SOD2: variants seen among roughly 807,000 people sequenced by gnomAD.
SOD2 encodes the protein superoxide dismutase 2.
In SOD2, 11 loss-of-function variants were observed where a neutral mutation model predicts 27.0. The ratio of observed to expected loss-of-function variants is 0.41; its 90% CI spans 0.26 to 0.67. The LOEUF (loss-of-function observed/expected upper bound fraction) is 0.67, where lower values mean the gene tolerates loss of function less well. Ranked by LOEUF, SOD2 falls within the 30% of genes least tolerant of loss-of-function variation. SOD2 has a pLI of 0.34. For synonymous variants in SOD2, 105 were observed against 103.0 expected, an observed-to-expected ratio of 1.02 and a Z score of -0.12; for missense variants, 250 against 274.5, an observed-to-expected ratio of 0.91 and a Z score of 0.63.
chr6:159,741,085 C>A (rs2114917922), intron 1 of SOD2, among the ~76,000 whole-genome samples: 1 of 152,192 alleles, frequency 6.6e-6, no homozygotes, highest in African/African-American at 2.4e-5. Flanking sequence ...TTAATTGTAC[C>A]TGAAGAGCAG....
exon 1 of SOD2, chr6:159,761,939 T>C (rs1780141425): frequency 2.2e-6 from 2 of 913,662 alleles, no homozygotes; most frequent in South Asian, 1.4e-5. Flanking sequence ...CTGCGCACAG[T>C]GGGATGCGCG....
chr6:159,753,660 G>C (rs371314485), intron 1 of SOD2: 1 of 1,560,174 alleles, frequency 6.4e-7, no homozygotes, highest in African/African-American at 1.4e-5. Flanking sequence ...ACTTTGCATT[G>C]GCTTTTTAAA....
rs762243028 is a variant in SOD2, at chr6:159,682,637, G to A, written c.525C>T (p.Gly175=). Residue 175 remains glycine (G), a splice_region_variant and synonymous_variant, in exon 5 of 5, where the codon GGC becomes GGT. Transcript: ENST00000538183. ...PNQDPLQGTT[G]LIPLLGIDVW... ...CATCAATCCCCAGCAGTGGAATAAG[G>A]CCTGTTAGAAAGAAGGGGAAAACAA... The A allele has an allele frequency of 1.9e-6, 3 of 1,604,612 alleles. No homozygotes were observed. Among genetic ancestry groups the A allele is most frequent in the Non-Finnish European group, 1.7e-6 (2 of 1,176,956 alleles).
chr6:159,734,463 A>C (rs1263308063), intron 1 of SOD2, among the ~76,000 whole-genome samples: 1 of 152,152 alleles, frequency 6.6e-6, no homozygotes, highest in Non-Finnish European at 1.5e-5. Flanking sequence ...ATGGGTAATT[A>C]AAATAAACCA....
At position 159,669,923 on chromosome 6, in the gene SOD2, G is replaced by C. The variant is rs558905075; in HGVS notation, c.*12570C>G. 2 of 152,310 alleles carry C rather than the reference G, an allele frequency of 1.3e-5. No individual in the cohort carries two copies. The highest frequency in any genetic ancestry group is 4.8e-5 in the African/African-American group (2 of 41,572). The allele number at this position is 152,310 out of a possible 1,614,324, so 9.4% of individuals were successfully genotyped here. On this transcript the variant is annotated 3_prime_UTR_variant, in exon 5 of 5. Coordinates refer to ENST00000538183, the MANE Select transcript of SOD2 (RefSeq NM_000636.4). ...CATTCAGTCAATCTATATCTTTTAA[G>C]TGGGAGAATTTAATCCATTTACATT...
intron 1 of SOD2, among the ~76,000 whole-genome samples, chr6:159,712,299 C>T (rs1052488305): frequency 6.7e-6 from 1 of 148,968 alleles, no homozygotes; most frequent in Non-Finnish European, 1.5e-5. Flanking sequence ...ACCATAACCA[C>T]CTCCATAACC....
chr6:159,755,303 G>C, intron 1 of SOD2: 2 of 1,614,238 alleles, frequency 1.2e-6, no homozygotes, highest in Non-Finnish European at 1.7e-6. Flanking sequence ...ATTTCACAGG[G>C]AGGGCAACAC....
In SOD2 at chr6:159,744,185, A is replaced by T. The variant is rs576067251; in HGVS notation, c.-116+945T>A. Among the ~76,000 whole-genome samples, 7 of 152,240 alleles carry T rather than the reference A, an allele frequency of 4.6e-5. No homozygotes were observed. The South Asian group carries it at 1.5e-3, about 32-fold the overall frequency. ...TTCTCTTGTCCCCTCTGTGTATAGA[A>T]CTGTTTTTCCTAGTGTCAGCAACCT... is the stretch of plus-strand genomic sequence containing the variant. On this transcript the variant is annotated intron_variant, in intron 1 of 3. Transcript: ENST00000537657.
intron 1 of SOD2, chr6:159,712,716 C>A: frequency 2.5e-6 from 1 of 393,058 alleles, no homozygotes; most frequent in African/African-American, 2.1e-5. Flanking sequence ...CCATAACCAC[C>A]TCCATAACCA....
At chr6:159,706,163 A>G (rs1169986170) in intron 1 of SOD2, among the ~76,000 whole-genome samples, 1 of 152,250 alleles carries the variant, frequency 6.6e-6, no homozygotes, top group Non-Finnish European at 1.5e-5. Flanking sequence ...CTGCAAAAAC[A>G]TGCCAAATTG....
chr6:159,754,927 C>T, intron 1 of SOD2: 1 of 1,222,360 alleles, frequency 8.2e-7, no homozygotes, highest in Non-Finnish European at 1.1e-6. Context: ...TATTTGTTTA[C>T]TTGAGCGTTT....
intron 1 of SOD2, among the ~76,000 whole-genome samples, chr6:159,725,027 ACAC>A (rs1778121424): frequency 6.6e-6 from 1 of 152,120 alleles, no homozygotes; most frequent in South Asian, 2.1e-4. Flanking sequence ...GATGCAAAAC[ACAC>A]CTACACAAAG....
chr6:159,673,965 C>T lies in SOD2; in HGVS notation c.*8528G>A, dbSNP rs7746782. On this transcript the variant is annotated 3_prime_UTR_variant, in exon 5 of 5. Coordinates refer to ENST00000538183, the MANE Select transcript of SOD2 (RefSeq NM_000636.4). ...CAGAGTACACAGAGAATACTATAAA[C>T]ACCTCTATGCAAATAAACTAGAAAA... The T allele has an allele frequency of 6.6e-6, 1 of 152,166 alleles. No homozygotes were observed. Among genetic ancestry groups the T allele is most frequent in the Admixed American group, 6.5e-5 (1 of 15,274 alleles). The allele number at this position is 152,166 out of a possible 1,614,324, so 9.4% of individuals were successfully genotyped here.
At chr6:159,760,175 G>T (rs1780093761) in intron 1 of SOD2, 1 of 152,022 alleles carries the variant, frequency 6.6e-6, no homozygotes, top group African/African-American at 2.4e-5. Context: ...TAAATTTCTG[G>T]TTTGGTTAAC....
chr6:159,712,359 AG>A (rs1378076125), intron 1 of SOD2, among the ~76,000 whole-genome samples: 2 of 124,890 alleles, frequency 1.6e-5, no homozygotes, highest in Admixed American at 7.9e-5. Flanking sequence ...ACCACCACTC[AG>A]CTGCTCTGAC....
upstream of SOD2, among the ~76,000 whole-genome samples, chr6:159,728,613 C>G (rs901538674): frequency 6.6e-6 from 1 of 152,104 alleles, no homozygotes; most frequent in African/African-American, 2.4e-5. Flanking sequence ...ATTAAGTTTT[C>G]TACGATAGAT....
At chr6:159,738,650 C>A (rs1301916158) in intron 1 of SOD2, among the ~76,000 whole-genome samples, 1 of 152,088 alleles carries the variant, frequency 6.6e-6, no homozygotes, top group Non-Finnish European at 1.5e-5. Flanking sequence ...TCTTCAGATA[C>A]CATTTTTATA....
chr6:159,754,304 A>G (rs13202042), intron 1 of SOD2, among the ~76,000 whole-genome samples: 71,009 of 152,040 alleles, frequency 0.47, 18,638 homozygotes, highest in Non-Finnish European at 0.58. Flanking sequence ...GTCCTTTTAT[A>G]TGTAACAGTC....
At chr6:159,732,878 A>ATG (rs979353093) in intron 1 of SOD2, among the ~76,000 whole-genome samples, 2 of 122,746 alleles carry the variant, frequency 1.6e-5, no homozygotes, top group Non-Finnish European at 3.2e-5. Flanking sequence ...CTCTCTGTAT[A>ATG]TATATATAGT....
Sources: gnomAD v4.1 joint callset for allele counts (sites outside exome capture counted in the v4.1 genomes callset) on GRCh38, gnomAD v4.1.1 for gene constraint, MANE v1.5 for transcripts, NCBI Gene and HGNC (gene_info 2026-07-23, HGNC 2026-07-21) for gene names.